Variants in RGL3 observed in about 807,000 individuals in gnomAD.
RGL3 encodes ral guanine nucleotide dissociation stimulator-like 3.
Under a neutral mutation model 90.6 loss-of-function variants are expected in RGL3, and 85 were observed. The ratio of observed to expected loss-of-function variants is 0.94; its 90% confidence interval spans 0.79 to 1.12. The LOEUF (loss-of-function observed/expected upper bound fraction) is 1.12, where lower values mean the gene tolerates loss of function less well. Among genes scored for constraint, RGL3 ranks in the 50% most tolerant of loss-of-function variants. The probability of loss-of-function intolerance (pLI) is 0.00; values close to 1 mark genes in which losing one functional copy is unlikely to be tolerated. For synonymous variants in RGL3, 408 were observed against 385.5 expected (o/e 1.06, Z -0.68); for missense variants, 1,034 against 939.2 (o/e 1.10, Z -1.32).
rs568988238 is a variant in RGL3, at chr19:11,410,124, A to T, written c.638-3260T>A. Among the ~76,000 whole-genome samples, 221 of 148,352 alleles carry T rather than the reference A, an allele frequency of 1.5e-3. 1 individual carries two copies. The highest frequency in any genetic ancestry group is 2.9e-3 in the East Asian group (15 of 5,088). On this transcript the variant is annotated intron_variant, in intron 5 of 18. Coordinates refer to ENST00000380456, the MANE Select transcript of RGL3 (RefSeq NM_001035223.4). ...AGCCAGCTAATTTAAATATATATAT[A>T]TTTTTTTATTATTTATTTATTTTTT...
intron 5 of RGL3, among the ~76,000 whole-genome samples, chr19:11,414,167 A>ATACACACCTATATATATATACCTT (rs1568341512): frequency 9.0e-6 from 1 of 110,996 alleles, no homozygotes; most frequent in African/African-American, 4.2e-5. Flanking sequence ...ATATATATAT[A>ATACACACCTATATATATATACCTT]TATATATATA....
chr19:11,414,527 A>ATG (rs1968958803), intron 5 of RGL3, among the ~76,000 whole-genome samples: 1 of 97,860 alleles, frequency 1.0e-5, no homozygotes, highest in Non-Finnish European at 2.1e-5. Flanking sequence ...ATATATATAT[A>ATG]TACCTTTATA....
At chr19:11,402,609 G>A (rs759962404) in intron 10 of RGL3, 41 bp downstream of exon 10, 1 of 1,612,838 alleles carries the variant, frequency 6.2e-7, no homozygotes, top group Non-Finnish European at 8.5e-7. Context: ...AACCCTCCCT[G>A]AAGGTCCCAC....
Position 11,418,699 on chromosome 19 carries a change from C to T in RGL3, c.119G>A (p.Ser40Asn). The T allele has an allele frequency of 1.3e-6, 2 of 1,568,292 alleles. No individual in the cohort carries two copies. The highest frequency in any genetic ancestry group is 1.7e-6 in the Non-Finnish European group (2 of 1,162,322). The stretch of plus-strand genomic sequence containing the variant: ...GCTGCCCCCGGGGCCCTCCGCCGGG[C>T]TCCTGCGCTGACTGCGCTGCCGCCG... ...SLRRQRSQRRSPAEGPGGSQA... is the reference protein window; with the variant it reads ...SLRRQRSQRRNPAEGPGGSQA... The change falls in exon 2 of 19, where the codon AGC becomes AAC. Residue 40 changes from serine (S) to asparagine (N), a missense_variant. Transcript: ENST00000380456.
At position 11,405,135 on chromosome 19, in the gene RGL3, A is replaced by C; in HGVS notation, c.1185+12T>G. 3 of 1,612,338 alleles carry C rather than the reference A, an allele frequency of 1.9e-6. No individual in the cohort carries two copies. The highest frequency in any genetic ancestry group is 2.5e-6 in the Non-Finnish European group (3 of 1,178,390). Reference sequence around the variant, plus strand: ...CGGGCCTAAAATCCCTGGAGTCTGCATCCATCTCTACCTGGAAAAGAATCT... The same window carrying C: ...CGGGCCTAAAATCCCTGGAGTCTGCCTCCATCTCTACCTGGAAAAGAATCT... On this transcript the variant is annotated intron_variant, in intron 9 of 18. Transcript: ENST00000380456.
In RGL3 at chr19:11,406,653, G is replaced by T; in HGVS notation, c.781-19C>A. Reference sequence around the variant, plus strand: ...AGAGCTCCTGGGCCAGGGGAGGGGTGTGGGATTGGTGCTTAGCAGAACCTG... The same window carrying T: ...AGAGCTCCTGGGCCAGGGGAGGGGTTTGGGATTGGTGCTTAGCAGAACCTG... On this transcript the variant is annotated intron_variant, in intron 6 of 18. Transcript: ENST00000380456. The T allele has an allele frequency of 6.3e-7, 1 of 1,584,944 alleles. No individual in the cohort carries two copies. Among genetic ancestry groups the T allele is most frequent in the Admixed American group, 1.8e-5 (1 of 54,798 alleles).
intron 5 of RGL3, 58 bp downstream of exon 5, chr19:11,415,879 G>C: frequency 6.9e-7 from 1 of 1,440,920 alleles, no homozygotes; most frequent in South Asian, 1.3e-5. Context: ...AGCCTGTGTG[G>C]GAAGAAGCAG....
chr19:11,395,317 A>G (rs1011013187), intron 18 of RGL3, among the ~76,000 whole-genome samples: 1 of 151,980 alleles, frequency 6.6e-6, no homozygotes, highest in Non-Finnish European at 1.5e-5. Context: ...CTGAACAACC[A>G]CAAGCATCCT....
intron 5 of RGL3, among the ~76,000 whole-genome samples, chr19:11,414,504 T>TATATATACACCTTC (rs1415935921): frequency 1.1e-4 from 11 of 96,702 alleles, no homozygotes; most frequent in Non-Finnish European, 1.8e-4. Flanking sequence ...TATATATATA[T>TATATATACACCTTC]ATATATATAT....
Position 11,405,333 on chromosome 19 carries a change from C to A in RGL3, c.1090G>T (p.Ala364Ser). ...CCCGCCCCAGCTCACCGGCTCACTG[C>A]CCCCCAGCTGCGCTTGAGCCGGTAG... is the stretch of plus-strand genomic sequence containing the variant. ...PIYRLKRSWGAVSREPLSTFR... is the reference protein window; with the variant it reads ...PIYRLKRSWGSVSREPLSTFR... The change falls in exon 8 of 19, where the codon GCA becomes TCA. Residue 364 changes from alanine (A) to serine (S), a missense_variant. Ala to Ser is a moderately conservative substitution (Grantham distance 99, BLOSUM62 1). Transcript: ENST00000380456. 1 of 1,612,818 alleles carries A rather than the reference C, an allele frequency of 6.2e-7. No individual in the cohort carries two copies. Among genetic ancestry groups the A allele is most frequent in the Non-Finnish European group, 8.5e-7 (1 of 1,179,434 alleles).
chr19:11,397,103 G>T, intron 18 of RGL3, 141 bp downstream of exon 18: 1 of 660,520 alleles, frequency 1.5e-6, no homozygotes, highest in Non-Finnish European at 2.6e-6. Context: ...TACCTCCACT[G>T]ATTATCTTAC....
intron 5 of RGL3, among the ~76,000 whole-genome samples, chr19:11,412,584 TAGCTACTC>T (rs1968892271): frequency 6.6e-6 from 1 of 151,718 alleles, no homozygotes; most frequent in South Asian, 2.1e-4. Context: ...AGTGTAGTCT[TAGCTACTC>T]AGGAGGCTGA....
intron 5 of RGL3, among the ~76,000 whole-genome samples, chr19:11,410,275 A>G (rs1184962878): frequency 6.6e-6 from 1 of 151,872 alleles, no homozygotes; most frequent in Non-Finnish European, 1.5e-5. Context: ...TGCTGGGATT[A>G]CAGGCATGAG....
chr19:11,417,159 T>C lies in RGL3; in HGVS notation c.148-100A>G. ...ACTAGCACCACTCTTTTTTTTTTTG[T>C]TTTTTTTTTTGAGACAGAGTCTCAC... On this transcript the variant is annotated intron_variant, in intron 2 of 18. Coordinates refer to ENST00000380456, the MANE Select transcript of RGL3 (RefSeq NM_001035223.4). 6.0e-6 allele frequency: 4 copies of C among 661,746 alleles called. No homozygotes were observed. In the South Asian group the frequency reaches 9.2e-5, roughly 15 times the overall value. 41.0% of individuals were successfully genotyped at this position (661,746 alleles called of 1,614,324 possible). A position where few individuals can be genotyped will look rare whatever the true frequency, so the allele number is the denominator to read the frequency against.
At chr19:11,407,271 C>A (rs1489923751) in intron 5 of RGL3, among the ~76,000 whole-genome samples, 1 of 152,094 alleles carries the variant, frequency 6.6e-6, no homozygotes. Context: ...CAGGTGTGAG[C>A]CACCACGCCT....
At chr19:11,407,056 G>A (rs1004281836) in intron 5 of RGL3, 192 bp from the exon 6 acceptor site, 2 of 527,408 alleles carry the variant, frequency 3.8e-6, no homozygotes, top group Admixed American at 7.2e-5. Context: ...CGCAATCTCA[G>A]CTGACCACAA....
At chr19:11,414,494 T>TATATACATATATATATACACCTTC (rs1968951300) in intron 5 of RGL3, among the ~76,000 whole-genome samples, 1 of 37,234 alleles carries the variant, frequency 2.7e-5, no homozygotes, top group African/African-American at 9.8e-5. Flanking sequence ...CACCTTCATA[T>TATATACATATATATATACACCTTC]ATATATATAT....
In RGL3 at chr19:11,418,768, C is replaced by T. The variant is rs776168969; in HGVS notation, c.50G>A (p.Trp17Ter). 1.3e-6 allele frequency: 2 copies of T among 1,556,678 alleles called. No homozygotes were observed. Among genetic ancestry groups the T allele is most frequent in the African/African-American group, 1.4e-5 (1 of 73,834 alleles). ...CGCGCCGTCCTCGGTCTCTTCACCC[C>T]AGTCCTGCAGCGGTGCCTGGACGCA... Reference protein sequence around the residue: ...KELALAPLQDWGEETEDGAVY... With the variant: ...KELALAPLQD The change falls in exon 2 of 19, where the codon TGG (tryptophan) becomes TAG (stop). Residue 17 changes from tryptophan to a stop codon, truncating the protein, a stop_gained. Transcript: ENST00000380456. LOFTEE classifies it high-confidence loss of function.
At chr19:11,417,117 C>A in intron 2 of RGL3, 58 bp from the exon 3 acceptor site, 2 of 1,247,226 alleles carry the variant, frequency 1.6e-6, no homozygotes, top group Non-Finnish European at 2.2e-6. Context: ...AGCACCCCTT[C>A]TCTAGTCACA....
Sources: gnomAD v4.1 joint callset for allele counts (sites outside exome capture counted in the v4.1 genomes callset) on GRCh38, gnomAD v4.1.1 for gene constraint, MANE v1.5 for transcripts, NCBI Gene and HGNC (gene_info 2026-07-23, HGNC 2026-07-21) for gene names.